Variants in RAD9B observed in about 807,000 individuals in gnomAD.
RAD9B encodes RAD9 checkpoint clamp component B, also known as cell cycle checkpoint control protein RAD9B.
RAD9B carries 41 observed loss-of-function variants against 48.3 expected under a neutral mutation model. The observed-to-expected ratio is 0.85, with a 90% CI of 0.66 to 1.10. The LOEUF (loss-of-function observed/expected upper bound fraction) is 1.10, where lower values mean the gene tolerates loss of function less well. RAD9B is among the 50% of genes least tolerant of loss of function. The pLI is 0.00. For synonymous variants in RAD9B, 160 were observed against 157.9 expected (o/e 1.01, Z -0.10); for missense variants, 444 against 485.1 (o/e 0.92, Z 0.80).
At chr12:110,515,711 T>G (rs2063585163) in intron 6 of RAD9B, among the ~76,000 whole-genome samples, 1 of 152,172 alleles carries the variant, frequency 6.6e-6, no homozygotes. Context: ...ACAAGCTGTT[T>G]GAGACTCTTT....
chr12:110,530,405 T>A (rs77356231), intron 10 of RAD9B, 120 bp from the exon 11 acceptor site: 1 of 902,546 alleles, frequency 1.1e-6, no homozygotes, highest in Non-Finnish European at 1.7e-6. Flanking sequence ...CTGTGAACCA[T>A]CACCAGCAAA....
chr12:110,526,874 A>C (rs1447218629), intron 10 of RAD9B, among the ~76,000 whole-genome samples: 2 of 146,246 alleles, frequency 1.4e-5, no homozygotes, highest in Non-Finnish European at 1.5e-5. Flanking sequence ...ATGCCACCGC[A>C]CTCCAGCCTA....
chr12:110,525,000 T>G (rs920296378), intron 10 of RAD9B, among the ~76,000 whole-genome samples: 1 of 151,826 alleles, frequency 6.6e-6, no homozygotes, highest in Non-Finnish European at 1.5e-5. Context: ...ATTTATTTGG[T>G]TTTTTTTAGA....
intron 10 of RAD9B, among the ~76,000 whole-genome samples, chr12:110,528,612 T>C (rs891009294): frequency 1.8e-4 from 27 of 152,354 alleles, no homozygotes; most frequent in South Asian, 6.2e-4. Context: ...ATGAGAAAGA[T>C]GTCAGAGTGA....
intron 3 of RAD9B, 67 bp from the exon 4 acceptor site, chr12:110,506,512 A>G (rs911140261): frequency 9.4e-6 from 8 of 850,646 alleles, no homozygotes; most frequent in Non-Finnish European, 1.4e-5. Context: ...ATGAATGCAT[A>G]TACTTTTGTT....
intron 6 of RAD9B, among the ~76,000 whole-genome samples, chr12:110,516,720 G>A (rs975190083): frequency 3.3e-5 from 5 of 151,944 alleles, no homozygotes; most frequent in African/African-American, 1.2e-4. Context: ...TGAGACAGGG[G>A]ATTAATCACT....
intron 9 of RAD9B, among the ~76,000 whole-genome samples, chr12:110,520,972 T>C (rs2063768494): frequency 6.6e-6 from 1 of 151,994 alleles, no homozygotes; most frequent in Non-Finnish European, 1.5e-5. Flanking sequence ...TAATTTCTTT[T>C]CTTTTGGGGG....
At position 110,502,374 on chromosome 12, in the gene RAD9B, C is replaced by G. The variant is rs374751211; in HGVS notation, c.37C>G (p.Gln13Glu). The G allele has an allele frequency of 5.6e-6, 9 of 1,613,792 alleles. No homozygotes were observed. Among genetic ancestry groups the G allele is most frequent in the Non-Finnish European group, 6.8e-6 (8 of 1,179,818 alleles). The change falls in exon 1 of 11, where the codon CAG becomes GAG. Residue 13 changes from glutamine (Q) to glutamate (E), a missense_variant. Coordinates refer to ENST00000409300, the MANE Select transcript of RAD9B (RefSeq NM_001286535.2). ...GCTGAAGTGCGTGATGAGCGGCAGT[C>G]AGGTGAAAGGTGGAGCGGCCTTTGT... ...AMLKCVMSGSQVKVFGKAVQA... is the reference protein window; with the variant it reads ...AMLKCVMSGSEVKVFGKAVQA...
intron 5 of RAD9B, among the ~76,000 whole-genome samples, chr12:110,514,101 T>C (rs1320603850): frequency 1.3e-5 from 2 of 152,040 alleles, no homozygotes; most frequent in Non-Finnish European, 2.9e-5. Flanking sequence ...TGCCCATTCA[T>C]GTTGTCATTT....
At chr12:110,520,672 A>G (rs1432207677) in intron 9 of RAD9B, among the ~76,000 whole-genome samples, 2 of 89,256 alleles carry the variant, frequency 2.2e-5, no homozygotes, top group Non-Finnish European at 2.1e-5. Flanking sequence ...TTTTTTTGAG[A>G]CAGAATCTCA....
At chr12:110,521,555 C>CTTTTTTT (rs577675171) in intron 9 of RAD9B, among the ~76,000 whole-genome samples, 1 of 126,610 alleles carries the variant, frequency 7.9e-6, no homozygotes, top group Admixed American at 8.1e-5. Context: ...AAACATAATT[C>CTTTTTTT]TTTTTTTTTT....
At chr12:110,528,259 C>T (rs754067779) in intron 10 of RAD9B, among the ~76,000 whole-genome samples, 43 of 152,048 alleles carry the variant, frequency 2.8e-4, no homozygotes, top group Non-Finnish European at 4.7e-4. Context: ...AGAGAGGCGG[C>T]TGAAATAGTT....
At chr12:110,526,834 A>G (rs2063955009) in intron 10 of RAD9B, among the ~76,000 whole-genome samples, 1 of 151,346 alleles carries the variant, frequency 6.6e-6, no homozygotes, top group African/African-American at 2.4e-5. Flanking sequence ...GCATGAACCC[A>G]GGAGGCGGAG....
At chr12:110,507,039 C>T (rs757951412) in intron 4 of RAD9B, among the ~76,000 whole-genome samples, 7 of 151,848 alleles carry the variant, frequency 4.6e-5, no homozygotes, top group African/African-American at 1.7e-4. Flanking sequence ...GGGGTTTCAC[C>T]GTGTTGGCCA....
At position 110,522,399 on chromosome 12, in the gene RAD9B, G is replaced by C; in HGVS notation, c.1113G>C (p.Leu371=). The C allele has an allele frequency of 6.2e-7, 1 of 1,607,128 alleles. No individual in the cohort carries two copies. Among genetic ancestry groups the C allele is most frequent in the East Asian group, 2.2e-5 (1 of 44,784 alleles). The change falls in exon 10 of 11, where the codon CTG becomes CTC. Residue 371 remains leucine (L), a synonymous_variant. Coordinates refer to ENST00000409300, the MANE Select transcript of RAD9B (RefSeq NM_001286535.2). ...VSNTEEVPGS[L]CLRKFSCMFF... is the part of the protein sequence containing the mutation. ...ACACAGAGGAAGTGCCAGGGTCTCT[G>C]TGTCTCAGAAAGGTAAAAGCATTGA...
chr12:110,531,747 C>T lies in RAD9B; in HGVS notation c.*1094C>T. 3 of 932,584 alleles carry T rather than the reference C, an allele frequency of 3.2e-6. No individual in the cohort carries two copies. The East Asian group carries it at 7.9e-5, about 25-fold the overall frequency. The allele number at this position is 932,584 out of a possible 1,614,324, so 57.8% of individuals were successfully genotyped here. On this transcript the variant is annotated 3_prime_UTR_variant, in exon 11 of 11. Coordinates refer to ENST00000409300, the MANE Select transcript of RAD9B (RefSeq NM_001286535.2). ...TTAGCTTTTTACCTGCACAAATGGA[C>T]TAAAAAATCTGGCACAAAACATTGT...
chr12:110,519,974 G>T (rs2063725884), intron 9 of RAD9B, 58 bp downstream of exon 9: 2 of 1,546,024 alleles, frequency 1.3e-6, no homozygotes, highest in Non-Finnish European at 1.7e-6. Context: ...ATCTTATTTT[G>T]AAATAATTCA....
At chr12:110,515,009 G>GT in intron 5 of RAD9B, 41 bp from the exon 6 acceptor site, 1 of 1,236,866 alleles carries the variant, frequency 8.1e-7, no homozygotes, top group South Asian at 1.4e-5. Context: ...CTTTCTGTTT[G>GT]TTTTTCAAAT....
chr12:110,509,487 C>T (rs1417501297), intron 4 of RAD9B, among the ~76,000 whole-genome samples: 2 of 151,876 alleles, frequency 1.3e-5, no homozygotes, highest in East Asian at 3.9e-4. Context: ...GTTTTGGAAG[C>T]TGGTCTCAAA....
Sources: gnomAD v4.1 joint callset for allele counts (sites outside exome capture counted in the v4.1 genomes callset) on GRCh38, gnomAD v4.1.1 for gene constraint, MANE v1.5 for transcripts, NCBI Gene and HGNC (gene_info 2026-07-23, HGNC 2026-07-21) for gene names.